IP6K1: variants seen among roughly 807,000 people sequenced by gnomAD.
IP6K1 encodes ATP:1D-myo-inositol-hexakisphosphate phosphotransferase.
In IP6K1, 13 loss-of-function variants were observed where a neutral mutation model predicts 38.3. That is an observed-to-expected ratio of 0.34 (90% confidence interval 0.22 to 0.54). The LOEUF (loss-of-function observed/expected upper bound fraction) is 0.54. IP6K1 is among the 20% of genes least tolerant of loss of function. The probability of loss-of-function intolerance (pLI) is 0.92; values close to 1 mark genes in which losing one functional copy is unlikely to be tolerated. For missense variants in IP6K1, 397 were observed against 599.8 expected, an observed-to-expected ratio of 0.66 and a Z score of 3.53; for synonymous variants, 212 against 229.9, an observed-to-expected ratio of 0.92 and a Z score of 0.70.
chr3:49,779,626 A>AT (rs555815789), intron 1 of IP6K1, among the ~76,000 whole-genome samples: 124 of 152,024 alleles, frequency 8.2e-4, no homozygotes, highest in African/African-American at 9.4e-4. Flanking sequence ...ACATCATCTG[A>AT]TTTTTTTTAC....
At chr3:49,750,924 G>C (rs1356817141) in intron 1 of IP6K1, among the ~76,000 whole-genome samples, 1 of 152,064 alleles carries the variant, frequency 6.6e-6, no homozygotes, top group Non-Finnish European at 1.5e-5. Context: ...TGTTTTGATG[G>C]TACTTTCTTA....
Position 49,728,104 on chromosome 3 carries a change from T to C in IP6K1, c.791A>G (p.Gln264Arg). Reference protein sequence around the residue: ...ATLGVRVCGMQVYQLDTGHYL... With the variant: ...ATLGVRVCGMRVYQLDTGHYL... The stretch of plus-strand genomic sequence containing the variant: ...AGGCTCTGAGCAGAGGTAACTCACC[T>C]GCATGCCGCAGACCCTGACGCCCAG... Residue 264 changes from glutamine (Q) to arginine (R), a missense_variant and splice_region_variant, in exon 5 of 6, where the codon CAG (glutamine) becomes CGG (arginine). By Grantham distance (43) the Gln-to-Arg change is conservative. Coordinates refer to ENST00000321599, the MANE Select transcript of IP6K1 (RefSeq NM_153273.4). The C allele has an allele frequency of 6.2e-7, 1 of 1,612,506 alleles. No individual in the cohort carries two copies. The highest frequency in any genetic ancestry group is 8.5e-7 in the Non-Finnish European group (1 of 1,178,972).
intron 1 of IP6K1, among the ~76,000 whole-genome samples, chr3:49,750,993 C>G (rs1419290244): frequency 3.3e-5 from 5 of 152,174 alleles, no homozygotes; most frequent in Admixed American, 6.5e-5. Context: ...CTCTGTGAAG[C>G]CTTGCTTTAC....
At chr3:49,783,224 G>C (rs1162521874) in intron 1 of IP6K1, among the ~76,000 whole-genome samples, 2 of 151,914 alleles carry the variant, frequency 1.3e-5, no homozygotes, top group Non-Finnish European at 2.9e-5. Context: ...AGCCCAGTCT[G>C]GGCAACTGAG....
intron 2 of IP6K1, among the ~76,000 whole-genome samples, chr3:49,743,279 C>CACACACACACA (rs775492367): frequency 1.4e-5 from 2 of 147,054 alleles, no homozygotes. Flanking sequence ...CACACACACA[C>CACACACACACA]ACTTACCTTT....
intron 1 of IP6K1, among the ~76,000 whole-genome samples, chr3:49,761,613 CAAAAA>C (rs71080551): frequency 1.1e-5 from 1 of 91,724 alleles, no homozygotes. Flanking sequence ...GACTCCGTCT[CAAAAA>C]AAAAAAAAAA....
chr3:49,730,707 C>T (rs911387829), intron 4 of IP6K1, among the ~76,000 whole-genome samples: 6 of 151,924 alleles, frequency 3.9e-5, no homozygotes, highest in African/African-American at 7.3e-5. Flanking sequence ...CCACCATGCC[C>T]GACTAATTTT....
chr3:49,752,210 G>A (rs914191527), intron 1 of IP6K1, among the ~76,000 whole-genome samples: 11 of 151,966 alleles, frequency 7.2e-5, no homozygotes, highest in African/African-American at 1.9e-4. Context: ...AGGGTTGGCC[G>A]GGTGCAGTGC....
chr3:49,777,333 G>A (rs1377838563), intron 1 of IP6K1, among the ~76,000 whole-genome samples: 7 of 152,070 alleles, frequency 4.6e-5, no homozygotes, highest in African/African-American at 1.7e-4. Flanking sequence ...AGGCCGAGGT[G>A]GATGGATTGC....
At chr3:49,764,489 T>C (rs2080892779) in intron 1 of IP6K1, among the ~76,000 whole-genome samples, 1 of 152,212 alleles carries the variant, frequency 6.6e-6, no homozygotes, top group South Asian at 2.1e-4. Flanking sequence ...AATTAAGCTC[T>C]GAGGGAGTCA....
chr3:49,762,919 G>A (rs114104925), intron 1 of IP6K1, among the ~76,000 whole-genome samples: 11 of 151,872 alleles, frequency 7.2e-5, no homozygotes, highest in South Asian at 4.2e-4. Flanking sequence ...TTATAGGAGC[G>A]CACAACCACG....
chr3:49,764,767 C>T (rs1403581776), intron 1 of IP6K1, among the ~76,000 whole-genome samples: 2 of 151,402 alleles, frequency 1.3e-5, no homozygotes, highest in African/African-American at 4.9e-5. Flanking sequence ...TAATCCCAGC[C>T]ACTAGGAAGG....
At position 49,734,330 on chromosome 3, in the gene IP6K1, T is replaced by C. The variant is rs952280570; in HGVS notation, c.435-1358A>G. Among the ~76,000 whole-genome samples the C allele has an allele frequency of 9.9e-5, 15 of 150,840 alleles. 1 individual carries two copies. The highest frequency in any genetic ancestry group is 3.4e-4 in the African/African-American group (14 of 41,048). On this transcript the variant is annotated intron_variant, in intron 3 of 5. Coordinates refer to ENST00000321599, the MANE Select transcript of IP6K1 (RefSeq NM_153273.4). ...GAAAACCAAACTACTGGTGAAGCCA[T>C]GTGCCCTGCAAATTACAGAGCAAGC...
chr3:49,762,594 T>C (rs2080876770), intron 1 of IP6K1, among the ~76,000 whole-genome samples: 1 of 151,894 alleles, frequency 6.6e-6, no homozygotes, highest in African/African-American at 2.4e-5. Context: ...CACTCCTATA[T>C]CTATTAAGAA....
Position 49,727,048 on chromosome 3 carries a change from C to A in IP6K1, c.*74G>T, listed in dbSNP as rs1480240594. 2 of 1,412,772 alleles carry A rather than the reference C, an allele frequency of 1.4e-6. No homozygotes were observed. The highest frequency in any genetic ancestry group is 1.9e-6 in the Non-Finnish European group (2 of 1,040,416). The allele number at this position is 1,412,772 out of a possible 1,614,324, so 87.5% of individuals were successfully genotyped here. On this transcript the variant is annotated 3_prime_UTR_variant, in exon 6 of 6. Transcript: ENST00000321599. This position sits in a 1 kb window ranked among gnomAD's most constrained non-coding sequence, Gnocchi z 5.9. ...ACCCTTTAAAAGCAAGTCTGTGTGT[C>A]CTCACGGCAAGTTCAGAACAATGGT...
intron 1 of IP6K1, among the ~76,000 whole-genome samples, chr3:49,755,881 G>C (rs896812417): frequency 6.6e-6 from 1 of 152,166 alleles, no homozygotes; most frequent in African/African-American, 2.4e-5. Flanking sequence ...CTTTGTATAT[G>C]AGACTGTAGA....
At chr3:49,784,424 A>ATCAGGAGG (rs2081093339) in intron 1 of IP6K1, among the ~76,000 whole-genome samples, 3 of 152,156 alleles carry the variant, frequency 2.0e-5, no homozygotes, top group South Asian at 4.1e-4. Context: ...AGGCAGGCGG[A>ATCAGGAGG]TCAGGAGGTC....
At position 49,738,222 on chromosome 3, in the gene IP6K1, T is replaced by C. The variant is rs1199998107; in HGVS notation, c.424A>G (p.Thr142Ala). The change falls in exon 3 of 6, where the codon ACC becomes GCC. Residue 142 changes from threonine (T) to alanine (A), a missense_variant. Coordinates refer to ENST00000321599, the MANE Select transcript of IP6K1 (RefSeq NM_153273.4). ...KEEKASLSLE[T>A]SESSQEAKSP... ...ACATGTACCTCTTACCTCTCAGAGG[T>C]CTCAAGGGACAGGCTGGCTTTCTCC... 24 of 1,613,608 alleles carry C rather than the reference T, an allele frequency of 1.5e-5. No homozygotes were observed. Among genetic ancestry groups the C allele is most frequent in the Non-Finnish European group, 1.9e-5 (23 of 1,179,694 alleles).
chr3:49,727,289 G>A lies in IP6K1; in HGVS notation c.1159C>T (p.Pro387Ser). 6.2e-7 allele frequency: 1 copy of A among 1,614,176 alleles called. No individual in the cohort carries two copies. The highest frequency in any genetic ancestry group is 8.5e-7 in the Non-Finnish European group (1 of 1,180,030). ...SPSNTSPEAG[P>S]SSQPKVDVRM... Reference sequence around the variant, plus strand: ...ACATCCACCTTGGGCTGAGAGGAGGGACCCGCCTCGGGGCTGGTGTTGCTG... The same window carrying A: ...ACATCCACCTTGGGCTGAGAGGAGGAACCCGCCTCGGGGCTGGTGTTGCTG... Residue 387 changes from proline (P) to serine (S), a missense_variant, in exon 6 of 6, where the codon CCC becomes TCC. Coordinates refer to ENST00000321599, the MANE Select transcript of IP6K1 (RefSeq NM_153273.4). This position sits in a 1 kb window ranked among gnomAD's most constrained non-coding sequence, Gnocchi z 5.9.
Sources: allele counts gnomAD v4.1 joint callset (sites outside exome capture counted in the v4.1 genomes callset), GRCh38; gene constraint gnomAD v4.1.1; non-coding constraint Gnocchi (gnomAD v3.1); transcripts MANE v1.5; gene names NCBI Gene and HGNC (gene_info 2026-07-23, HGNC 2026-07-21).